Variants in DLG1 observed in about 807,000 individuals in gnomAD.
DLG1 encodes discs large MAGUK scaffold protein 1.
Under a neutral mutation model 123.4 loss-of-function variants are expected in DLG1, and 42 were observed. The observed-to-expected ratio is 0.34, with a 90% CI of 0.27 to 0.44. The LOEUF (loss-of-function observed/expected upper bound fraction) is 0.44, where lower values mean the gene tolerates loss of function less well. Among genes scored for constraint, DLG1 ranks in the 20% least tolerant of loss-of-function variants. The pLI, the probability that DLG1 is intolerant of heterozygous loss-of-function variation, is 1.00. For synonymous variants in DLG1, 317 were observed against 356.2 expected, an observed-to-expected ratio of 0.89 and a Z score of 1.24; for missense variants, 942 against 1,082.6, an observed-to-expected ratio of 0.87 and a Z score of 1.82.
At chr3:197,256,771 T>G (rs1757071085) in intron 4 of DLG1, among the ~76,000 whole-genome samples, 1 of 152,188 alleles carries the variant, frequency 6.6e-6, no homozygotes, top group Non-Finnish European at 1.5e-5. Context: ...TAGGAAGTAC[T>G]AAAACCTCAC....
chr3:197,119,966 G>C (rs1413173642), intron 11 of DLG1, among the ~76,000 whole-genome samples: 1 of 152,014 alleles, frequency 6.6e-6, no homozygotes, highest in African/African-American at 2.4e-5. Flanking sequence ...CGAAAAACAA[G>C]CAAAAACTGT....
chr3:197,119,674 C>G, intron 11 of DLG1, 144 bp from the exon 12 acceptor site: 1 of 827,242 alleles, frequency 1.2e-6, no homozygotes, highest in African/African-American at 1.8e-5. Context: ...AGCCAAAAAA[C>G]TGGACATTAT....
intron 24 of DLG1, 130 bp downstream of exon 24, chr3:197,051,446 GC>G: frequency 1.5e-6 from 1 of 663,300 alleles, no homozygotes; most frequent in Non-Finnish European, 2.6e-6. Context: ...CAGCACCACT[GC>G]CTAGGCTGGA....
chr3:197,246,178 C>T (rs890404810), intron 4 of DLG1, among the ~76,000 whole-genome samples: 6 of 152,178 alleles, frequency 3.9e-5, no homozygotes, highest in African/African-American at 7.2e-5. Flanking sequence ...GCTTCCCCAT[C>T]GACCACTGAA....
intron 13 of DLG1, among the ~76,000 whole-genome samples, chr3:197,111,786 T>C (rs189010380): frequency 2.0e-4 from 31 of 152,332 alleles, no homozygotes; most frequent in African/African-American, 7.2e-4. Flanking sequence ...ATATAGATTG[T>C]ATTTTTGTTA....
At chr3:197,205,435 T>C (rs773299849) in intron 4 of DLG1, among the ~76,000 whole-genome samples, 3 of 152,066 alleles carry the variant, frequency 2.0e-5, no homozygotes, top group South Asian at 2.1e-4. Context: ...CATCAAAATA[T>C]TACAACCCAA....
intron 5 of DLG1, among the ~76,000 whole-genome samples, chr3:197,181,553 A>G (rs1711950798): frequency 6.6e-6 from 1 of 152,182 alleles, no homozygotes; most frequent in African/African-American, 2.4e-5. Flanking sequence ...ATCAAGTAAG[A>G]TCCAATTATA....
At chr3:197,189,657 G>T (rs770493388) in intron 5 of DLG1, among the ~76,000 whole-genome samples, 15 of 152,190 alleles carry the variant, frequency 9.9e-5, no homozygotes, top group Non-Finnish European at 1.5e-4. Context: ...AAGAGAACAA[G>T]ATGAACAAGG....
At chr3:197,093,474 A>G (rs1758896586) in intron 14 of DLG1, among the ~76,000 whole-genome samples, 1 of 152,108 alleles carries the variant, frequency 6.6e-6, no homozygotes, top group Non-Finnish European at 1.5e-5. Flanking sequence ...CTTAAACAGT[A>G]GAATACACAT....
chr3:197,183,760 G>A (rs1379692508), intron 5 of DLG1: 3 of 1,550,244 alleles, frequency 1.9e-6, no homozygotes, highest in African/African-American at 1.4e-5. Context: ...TTGCCTCCTC[G>A]ACTGCCGCGA....
intron 24 of DLG1, among the ~76,000 whole-genome samples, chr3:197,046,920 C>CA (rs1723672190): frequency 7.1e-6 from 1 of 141,664 alleles, no homozygotes; most frequent in South Asian, 2.2e-4. Context: ...CAAAACGAAA[C>CA]AAAAAACAAC....
intron 3 of DLG1, among the ~76,000 whole-genome samples, chr3:197,290,153 T>C (rs1177508878): frequency 6.6e-6 from 1 of 151,048 alleles, no homozygotes; most frequent in East Asian, 1.9e-4. Flanking sequence ...TAATAAATGA[T>C]AAGTCATTGA....
intron 4 of DLG1, among the ~76,000 whole-genome samples, chr3:197,264,628 T>C (rs144104127): frequency 1.3e-5 from 2 of 152,230 alleles, no homozygotes; most frequent in East Asian, 3.9e-4. Flanking sequence ...GGTTTTGACA[T>C]GTTGGCCAGG....
intron 13 of DLG1, among the ~76,000 whole-genome samples, chr3:197,115,080 G>A (rs1772464690): frequency 6.6e-6 from 1 of 151,570 alleles, no homozygotes; most frequent in Admixed American, 6.6e-5. Flanking sequence ...TGCTGTTAGT[G>A]GTCCACTGAG....
chr3:197,234,904 G>A (rs1489903449), intron 4 of DLG1, among the ~76,000 whole-genome samples: 1 of 152,126 alleles, frequency 6.6e-6, no homozygotes, highest in African/African-American at 2.4e-5. Context: ...TACTGAAGTA[G>A]TAGTTTCTAT....
intron 4 of DLG1, among the ~76,000 whole-genome samples, chr3:197,209,323 T>C (rs1730178436): frequency 6.8e-6 from 1 of 146,742 alleles, no homozygotes; most frequent in South Asian, 2.5e-4. Flanking sequence ...GCTAAAAATT[T>C]AATTCACCAG....
At chr3:197,167,661 T>A (rs1255594900) in intron 5 of DLG1, among the ~76,000 whole-genome samples, 2 of 152,224 alleles carry the variant, frequency 1.3e-5, no homozygotes, top group Non-Finnish European at 2.9e-5. Flanking sequence ...ACGTTATTTT[T>A]AATTCAATTT....
intron 2 of DLG1, 188 bp downstream of exon 2, chr3:197,296,998 G>T: frequency 3.1e-6 from 2 of 643,772 alleles, no homozygotes; most frequent in East Asian, 3.2e-5. Context: ...GAAATGTTAA[G>T]AAAGTTTAAC....
At chr3:197,101,607 T>C (rs1763496492) in intron 14 of DLG1, among the ~76,000 whole-genome samples, 1 of 152,020 alleles carries the variant, frequency 6.6e-6, no homozygotes, top group African/African-American at 2.4e-5. Flanking sequence ...GCCAGAATGG[T>C]CTCTATCTCC....
Sources: gnomAD v4.1 joint callset for allele counts (sites outside exome capture counted in the v4.1 genomes callset) on GRCh38, gnomAD v4.1.1 for gene constraint, MANE v1.5 for transcripts, NCBI Gene and HGNC (gene_info 2026-07-23, HGNC 2026-07-21) for gene names.